NELL1: variants seen among roughly 807,000 people sequenced by gnomAD.
The protein encoded by NELL1 is neural EGFL like 1, also known as protein kinase C-binding protein NELL1.
A neutral mutation model predicts 107.4 loss-of-function variants in NELL1; 76 were observed. The ratio of observed to expected loss-of-function variants is 0.71; its 90% CI spans 0.59 to 0.86. The LOEUF (loss-of-function observed/expected upper bound fraction) is 0.86. NELL1 is among the 40% of genes least tolerant of loss of function. The pLI, the probability that NELL1 is intolerant of heterozygous loss-of-function variation, is 0.00. For missense variants in NELL1, 1,024 were observed against 1,005.5 expected (o/e 1.02, Z -0.25); for synonymous variants, 353 against 341.2 (o/e 1.03, Z -0.38).
chr11:21,340,819 C>T (rs1056912601), intron 14 of NELL1, among the ~76,000 whole-genome samples: 1 of 152,142 alleles, frequency 6.6e-6, no homozygotes. Context: ...GGAACCAACC[C>T]TGTTGACACC....
intron 14 of NELL1, among the ~76,000 whole-genome samples, chr11:21,269,162 C>A (rs1279726125): frequency 6.6e-6 from 1 of 151,782 alleles, no homozygotes; most frequent in Non-Finnish European, 1.5e-5. Context: ...AGCCAAAGAA[C>A]TGTGGGACCA....
At chr11:21,389,350 A>G (rs1478432178) in intron 15 of NELL1, among the ~76,000 whole-genome samples, 1 of 151,822 alleles carries the variant, frequency 6.6e-6, no homozygotes, top group Non-Finnish European at 1.5e-5. Flanking sequence ...TTCCTGAAAA[A>G]TAATTTATGC....
chr11:20,896,126 C>T (rs1239753931), intron 5 of NELL1, among the ~76,000 whole-genome samples: 1 of 151,894 alleles, frequency 6.6e-6, no homozygotes, highest in Non-Finnish European at 1.5e-5. Context: ...GTCTTTTATC[C>T]CTCACCCTCT....
chr11:21,332,967 C>T (rs1850305256), intron 14 of NELL1, among the ~76,000 whole-genome samples: 1 of 151,992 alleles, frequency 6.6e-6, no homozygotes, highest in Non-Finnish European at 1.5e-5. Flanking sequence ...CTTTAAACAA[C>T]TTGTAGAAAA....
At chr11:21,068,975 C>G (rs116533914) in intron 12 of NELL1, among the ~76,000 whole-genome samples, 1,527 of 152,302 alleles carry the variant, frequency 0.01, 25 homozygotes, top group African/African-American at 0.035. Flanking sequence ...TGTACACATT[C>G]CTTTGGAGTC....
chr11:21,249,779 A>T (rs1165215127), intron 14 of NELL1, among the ~76,000 whole-genome samples: 1 of 152,170 alleles, frequency 6.6e-6, no homozygotes, highest in Non-Finnish European at 1.5e-5. Context: ...GAATCATCAC[A>T]GTAGAGGCCC....
At chr11:21,179,001 G>A (rs1458616290) in intron 13 of NELL1, among the ~76,000 whole-genome samples, 1 of 151,694 alleles carries the variant, frequency 6.6e-6, no homozygotes, top group South Asian at 2.1e-4. Context: ...TAGGAAAGGG[G>A]CATAGTATTA....
chr11:21,101,129 G>A (rs1261766727), intron 12 of NELL1, among the ~76,000 whole-genome samples: 1 of 151,968 alleles, frequency 6.6e-6, no homozygotes, highest in Non-Finnish European at 1.5e-5. Context: ...GAGAATGATG[G>A]TTTCCAGCTT....
Position 21,095,161 on chromosome 11 carries a change from G to A in NELL1, c.1301-18428G>A, listed in dbSNP as rs112452408. ...AAGTTCCACACATCTCTAGGGCAGG[G>A]GCAAAATGCTCCCAGTCTCTTTGCT... On this transcript the variant is annotated intron_variant, in intron 12 of 19. Transcript: ENST00000357134. Among the ~76,000 whole-genome samples the A allele has an allele frequency of 7.6e-3, 1,158 of 152,194 alleles. 16 individuals carry two copies. Among genetic ancestry groups the A allele is most frequent in the African/African-American group, 0.027 (1,108 of 41,514 alleles).
At chr11:21,365,984 G>A (rs758625294) in intron 14 of NELL1, among the ~76,000 whole-genome samples, 1 of 152,052 alleles carries the variant, frequency 6.6e-6, no homozygotes, top group East Asian at 1.9e-4. Flanking sequence ...TGCATTGTAG[G>A]ATGTTTAAAC....
At chr11:20,835,241 G>C (rs909345010) in intron 3 of NELL1, among the ~76,000 whole-genome samples, 2 of 152,144 alleles carry the variant, frequency 1.3e-5, no homozygotes, top group Admixed American at 1.3e-4. Context: ...AGGATGTATT[G>C]TTGTCTATCT....
At chr11:21,087,348 G>A (rs1854419291) in intron 12 of NELL1, among the ~76,000 whole-genome samples, 1 of 151,374 alleles carries the variant, frequency 6.6e-6, no homozygotes, top group African/African-American at 2.4e-5. Flanking sequence ...GTCGCCTTAG[G>A]TTTTGACTAA....
chr11:20,778,952 G>GT (rs920027935), intron 2 of NELL1, among the ~76,000 whole-genome samples: 11 of 151,924 alleles, frequency 7.2e-5, no homozygotes, highest in East Asian at 1.9e-4. Flanking sequence ...CATATATTCT[G>GT]TTTTTTTTCT....
intron 16 of NELL1, among the ~76,000 whole-genome samples, chr11:21,548,739 T>G (rs1218533763): frequency 6.6e-6 from 1 of 151,498 alleles, no homozygotes; most frequent in African/African-American, 2.4e-5. Flanking sequence ...GAATTGGGAG[T>G]CAACCATTGG....
intron 2 of NELL1, among the ~76,000 whole-genome samples, chr11:20,679,503 T>C (rs1450085688): frequency 3.9e-5 from 6 of 152,186 alleles, no homozygotes; most frequent in Non-Finnish European, 2.9e-5. Flanking sequence ...ATTATGTAAT[T>C]ATATGTAACA....
At chr11:21,445,333 T>G (rs976589011) in intron 15 of NELL1, among the ~76,000 whole-genome samples, 10 of 150,892 alleles carry the variant, frequency 6.6e-5, no homozygotes, top group African/African-American at 2.2e-4. Context: ...TTTGTTTTTT[T>G]GGGTTTTTTT....
Position 21,140,632 on chromosome 11 carries a change from G to T in NELL1, c.1426+26918G>T, listed in dbSNP as rs1260152. Among the ~76,000 whole-genome samples, 1,153 of 152,112 alleles carry T rather than the reference G, an allele frequency of 7.6e-3. 14 individuals are homozygous for T. Among genetic ancestry groups the T allele is most frequent in the African/African-American group, 0.026 (1,085 of 41,510 alleles). On this transcript the variant is annotated intron_variant, in intron 13 of 19. Coordinates refer to ENST00000357134, the MANE Select transcript of NELL1 (RefSeq NM_006157.5). ...TGTTTTATCTTCTAAGGTCTGACAT[G>T]GTAAAATTTATCCAATTATATATTT... is the stretch of plus-strand genomic sequence containing the variant.
intron 10 of NELL1, among the ~76,000 whole-genome samples, chr11:20,943,146 G>A (rs569774547): frequency 2.6e-4 from 40 of 151,834 alleles, no homozygotes; most frequent in Non-Finnish European, 4.4e-4. Flanking sequence ...GTGAGTGCAT[G>A]TGAATAATTT....
intron 14 of NELL1, among the ~76,000 whole-genome samples, chr11:21,252,720 A>G (rs922230253): frequency 1.3e-5 from 2 of 152,142 alleles, no homozygotes; most frequent in African/African-American, 2.4e-5. Context: ...TTTTGCTTTC[A>G]TTTATATGTT....
Sources: allele counts gnomAD v4.1 joint callset (sites outside exome capture counted in the v4.1 genomes callset), GRCh38; gene constraint gnomAD v4.1.1; transcripts MANE v1.5; gene names NCBI Gene and HGNC (gene_info 2026-07-23, HGNC 2026-07-21).